Variants in ARHGAP36 observed in about 807,000 individuals in gnomAD.
ARHGAP36 encodes rho GTPase-activating protein 36.
In ARHGAP36, 7 loss-of-function variants were observed where a neutral mutation model predicts 32.9. That is an observed-to-expected ratio of 0.21 (90% confidence interval 0.12 to 0.40). The LOEUF is 0.40. Ranked by LOEUF, ARHGAP36 falls within the 10% of genes least tolerant of loss-of-function variation. The pLI is 1.00. For missense variants in ARHGAP36, 383 were observed against 442.2 expected, an observed-to-expected ratio of 0.87 and a Z score of 1.20; for synonymous variants, 165 against 168.3, an observed-to-expected ratio of 0.98 and a Z score of 0.15.
intron 1 of ARHGAP36, among the ~76,000 whole-genome samples, chrX:131,079,666 AT>A (rs1377452404): frequency 9.2e-6 from 1 of 108,859 alleles, no homozygotes; most frequent in Non-Finnish European, 1.9e-5. Context: ...GATCTTTGAA[AT>A]TTAAGCTCCC....
intron 1 of ARHGAP36, among the ~76,000 whole-genome samples, chrX:131,061,329 G>A (rs7341984): frequency 2.8e-3 from 311 of 110,994 alleles, no homozygotes; most frequent in African/African-American, 9.5e-3. Flanking sequence ...ATTTTTCAGG[G>A]CGACAACGGG....
intron 1 of ARHGAP36, chrX:131,078,660 C>A: frequency 1.3e-6 from 1 of 771,753 alleles, no homozygotes; most frequent in Non-Finnish European, 1.7e-6. Context: ...TCCCCCTCCC[C>A]ACCCCACCCA....
chrX:131,080,100 A>C (rs2079787514), intron 1 of ARHGAP36, among the ~76,000 whole-genome samples: 1 of 112,004 alleles, frequency 8.9e-6, no homozygotes, highest in South Asian at 3.7e-4. Flanking sequence ...TTCAGGAAAA[A>C]GTCCGACTCT....
chrX:131,071,772 G>A (rs1258019867), intron 1 of ARHGAP36, among the ~76,000 whole-genome samples: 2 of 111,084 alleles, frequency 1.8e-5, no homozygotes, highest in Non-Finnish European at 3.8e-5. Context: ...CTCTTGCTGG[G>A]CTCACCCATA....
chrX:131,064,990 A>G (rs192586550), intron 1 of ARHGAP36, among the ~76,000 whole-genome samples: 1 of 111,268 alleles, frequency 9.0e-6, no homozygotes, highest in East Asian at 2.8e-4. Flanking sequence ...CTCCAAAGAG[A>G]GAGAGAGACT....
chrX:131,086,065 T>C lies in ARHGAP36; in HGVS notation c.1257T>C (p.Ile419=). The change falls in exon 9 of 12, where the codon ATT becomes ATC. Residue 419 remains isoleucine, a synonymous_variant. Transcript: ENST00000276211. The stretch of plus-strand genomic sequence containing the variant: ...CTGTCAATGTGGTCCGTGCCATGAT[T>C]GATAACTGGGATGTCCTCTTCCAGG... ...VASVNVVRAM[I]DNWDVLFQVP... is the part of the protein sequence containing the mutation. 8.3e-7 allele frequency: 1 copy of C among 1,211,600 alleles called. No individual in the cohort carries two copies.
At chrX:131,080,638 A>G (rs998478119) in intron 1 of ARHGAP36, among the ~76,000 whole-genome samples, 3 of 112,369 alleles carry the variant, frequency 2.7e-5, no homozygotes, top group Non-Finnish European at 5.6e-5. Context: ...AGGCACATAT[A>G]AAATAGGTTT....
intron 3 of ARHGAP36, 133 bp from the exon 4 acceptor site, chrX:131,083,601 G>T: frequency 1.6e-6 from 1 of 643,653 alleles, no homozygotes; most frequent in Non-Finnish European, 2.5e-6. Flanking sequence ...CCCCAGGGAG[G>T]GGCGCTGCGG....
intron 1 of ARHGAP36, among the ~76,000 whole-genome samples, chrX:131,073,905 T>C (rs1841887855): frequency 9.0e-6 from 1 of 111,593 alleles, no homozygotes; most frequent in South Asian, 3.8e-4. Flanking sequence ...TATTTGAATG[T>C]AGTTTTAAAA....
chrX:131,063,344 A>G (rs572161495), intron 1 of ARHGAP36, among the ~76,000 whole-genome samples: 3 of 111,596 alleles, frequency 2.7e-5, no homozygotes, highest in East Asian at 5.6e-4. Flanking sequence ...ACTAAGTGGC[A>G]TGGGCATATC....
intron 1 of ARHGAP36, among the ~76,000 whole-genome samples, chrX:131,071,491 G>A (rs2079733138): frequency 9.0e-6 from 1 of 111,498 alleles, no homozygotes; most frequent in Admixed American, 9.5e-5. Flanking sequence ...TGGTGAGGTG[G>A]CACTTAAATT....
chrX:131,077,489 A>C (rs373836697), intron 1 of ARHGAP36, among the ~76,000 whole-genome samples: 21 of 110,618 alleles, frequency 1.9e-4, no homozygotes, highest in African/African-American at 6.9e-4. Context: ...GGAGTAAATT[A>C]GTCCTCCAAA....
chrX:131,082,541 C>A (rs2079808197), intron 2 of ARHGAP36, among the ~76,000 whole-genome samples: 2 of 113,004 alleles, frequency 1.8e-5, no homozygotes, highest in South Asian at 3.6e-4. Flanking sequence ...GGAGCCCAGG[C>A]GGTTAGCGCG....
intron 5 of ARHGAP36, 98 bp from the exon 6 acceptor site, chrX:131,084,528 C>T (rs2079823937): frequency 8.8e-7 from 1 of 1,134,476 alleles, no homozygotes; most frequent in African/African-American, 1.8e-5. Flanking sequence ...CCCTGACACC[C>T]AGTGGAGGTC....
chrX:131,086,438 T>C lies in ARHGAP36; in HGVS notation c.1379+12T>C. ...TTGAGGAAGATCCAGTGAGTGTTTT[T>C]TGGGTTTGTTTATGCTTAGCCTGAA... is the stretch of plus-strand genomic sequence containing the variant. On this transcript the variant is annotated intron_variant, in intron 10 of 11. Coordinates refer to ENST00000276211, the MANE Select transcript of ARHGAP36 (RefSeq NM_144967.4). 2.5e-6 allele frequency: 3 copies of C among 1,209,893 alleles called. No individual in the cohort carries two copies. Among genetic ancestry groups the C allele is most frequent in the Non-Finnish European group, 1.1e-6 (1 of 893,693 alleles).
intron 8 of ARHGAP36, 40 bp downstream of exon 8, chrX:131,085,776 G>T: frequency 8.3e-7 from 1 of 1,200,597 alleles, no homozygotes; most frequent in Non-Finnish European, 1.1e-6. Flanking sequence ...ACTGTAGTAG[G>T]GGACATATGT....
chrX:131,076,877 A>AT (rs2079765685), intron 1 of ARHGAP36, among the ~76,000 whole-genome samples: 1 of 111,684 alleles, frequency 9.0e-6, no homozygotes, highest in African/African-American at 3.3e-5. Context: ...AAACTTTCTT[A>AT]TTTTTTTGAA....
intron 6 of ARHGAP36, 91 bp downstream of exon 6, chrX:131,084,772 G>A (rs1352610692): frequency 8.6e-7 from 1 of 1,159,889 alleles, no homozygotes; most frequent in Non-Finnish European, 1.2e-6. Flanking sequence ...CCTGGTGGGG[G>A]GAGGAGCAGG....
At chrX:131,076,770 T>G (rs766327023) in intron 1 of ARHGAP36, among the ~76,000 whole-genome samples, 1 of 112,350 alleles carries the variant, frequency 8.9e-6, no homozygotes. Flanking sequence ...CCTGTCTCTC[T>G]GTGAGCCTCA....
Sources: gnomAD v4.1 joint callset for allele counts (sites outside exome capture counted in the v4.1 genomes callset) on GRCh38, gnomAD v4.1.1 for gene constraint, MANE v1.5 for transcripts, NCBI Gene and HGNC (gene_info 2026-07-23, HGNC 2026-07-21) for gene names.